Variants in TENM3 observed in about 807,000 individuals in gnomAD.
The protein encoded by TENM3 is teneurin-3.
A neutral mutation model predicts 255.1 loss-of-function variants in TENM3; 63 were observed. That is an observed-to-expected ratio of 0.25 (90% CI 0.20 to 0.30). TENM3 has a LOEUF of 0.30. TENM3 is among the 10% of genes least tolerant of loss of function. The pLI, the probability that TENM3 is intolerant of heterozygous loss-of-function variation, is 1.00. For synonymous variants in TENM3, 1,306 were observed against 1,322.3 expected, an observed-to-expected ratio of 0.99 and a Z score of 0.27; for missense variants, 2,929 against 3,461.1, an observed-to-expected ratio of 0.85 and a Z score of 3.86.
the TENM3 span, among the ~76,000 whole-genome samples, chr4:182,083,197 C>G: frequency 3.9e-5 from 6 of 152,172 alleles, no homozygotes; most frequent in Non-Finnish European, 7.3e-5. Context: ...TACTAGTGAA[C>G]ATTTATGCAA....
the TENM3 span, among the ~76,000 whole-genome samples, chr4:181,942,438 A>G: frequency 6.6e-6 from 1 of 152,102 alleles, no homozygotes; most frequent in South Asian, 2.1e-4. Flanking sequence ...CTTACTTTCT[A>G]GACTGAAGAG....
chr4:182,790,952 G>T (rs528375670), intron 25 of TENM3, among the ~76,000 whole-genome samples: 7 of 152,100 alleles, frequency 4.6e-5, no homozygotes, highest in Non-Finnish European at 7.4e-5. Context: ...ACAACAGACA[G>T]ATCTTTCTCA....
At chr4:181,760,999 C>CACACACACACAT in the TENM3 span, among the ~76,000 whole-genome samples, 4,255 of 145,562 alleles carry the variant, frequency 0.029, 137 homozygotes, top group Admixed American at 0.051. Context: ...CACACACACA[C>CACACACACACAT]ACACACACAC....
rs1210228046 is a variant in TENM3, at chr4:182,290,372, C to T, written c.-75-33574C>T. Among the ~76,000 whole-genome samples the T allele has an allele frequency of 3.3e-5, 5 of 152,302 alleles. No individual in the cohort carries two copies. In the East Asian group the frequency reaches 9.6e-4, roughly 29 times the overall value. On this transcript the variant is annotated intron_variant, in intron 1 of 27. Transcript: ENST00000511685. ...ACTGAGCAGTTGCTTGTATTTTGCACGTTCTTGGGACAACTCTGCCACCAA... is the reference window on the plus strand; with the variant it reads ...ACTGAGCAGTTGCTTGTATTTTGCATGTTCTTGGGACAACTCTGCCACCAA...
At chr4:182,343,493 C>T (rs1764609745) in intron 2 of TENM3, among the ~76,000 whole-genome samples, 1 of 152,162 alleles carries the variant, frequency 6.6e-6, no homozygotes, top group Non-Finnish European at 1.5e-5. Context: ...AAGTATTGTT[C>T]CTTGAAGCCA....
the TENM3 span, among the ~76,000 whole-genome samples, chr4:182,120,975 G>C: frequency 6.6e-6 from 1 of 152,242 alleles, no homozygotes; most frequent in East Asian, 1.9e-4. Context: ...GGCATGCCAT[G>C]TTCTGACTTC....
chr4:181,628,096 A>G, the TENM3 span, among the ~76,000 whole-genome samples: 13 of 152,170 alleles, frequency 8.5e-5, no homozygotes, highest in Non-Finnish European at 4.4e-5. Flanking sequence ...AGTGATGATG[A>G]GCATTTTTTC....
chr4:181,819,214 A>G, the TENM3 span, among the ~76,000 whole-genome samples: 4 of 151,788 alleles, frequency 2.6e-5, no homozygotes, highest in African/African-American at 9.7e-5. Context: ...TGCCCAAGCT[A>G]CCTCCTCTAA....
At chr4:181,478,147 C>T in the TENM3 span, among the ~76,000 whole-genome samples, 1 of 152,156 alleles carries the variant, frequency 6.6e-6, no homozygotes, top group Non-Finnish European at 1.5e-5. Context: ...ACTACTTGTA[C>T]TTTATGTGTA....
At chr4:182,428,899 G>C (rs1046743465) in intron 3 of TENM3, among the ~76,000 whole-genome samples, 1 of 151,996 alleles carries the variant, frequency 6.6e-6, no homozygotes, top group East Asian at 1.9e-4. Flanking sequence ...TGATATAATT[G>C]CTTCTCTGTT....
chr4:182,142,090 A>C (rs971758884), upstream of TENM3: 1 of 152,188 alleles, frequency 6.6e-6, no homozygotes, highest in African/African-American at 2.4e-5. Flanking sequence ...TCTTCATGTA[A>C]TATCTGGGAC....
the TENM3 span, among the ~76,000 whole-genome samples, chr4:181,847,090 C>T: frequency 6.6e-6 from 1 of 152,192 alleles, no homozygotes; most frequent in East Asian, 1.9e-4. Context: ...TTCCGAACAC[C>T]AGCAGCTGGA....
the TENM3 span, among the ~76,000 whole-genome samples, chr4:181,771,789 G>T: frequency 6.6e-6 from 1 of 152,174 alleles, no homozygotes; most frequent in Non-Finnish European, 1.5e-5. Flanking sequence ...TGCCAGTCCC[G>T]CAGACCACAT....
At chr4:182,746,655 T>G (rs1221341228) in intron 19 of TENM3, among the ~76,000 whole-genome samples, 1 of 152,108 alleles carries the variant, frequency 6.6e-6, no homozygotes, top group Non-Finnish European at 1.5e-5. Context: ...GAAGAGTAAT[T>G]TGGTGTCAGA....
rs28473578 is a variant in TENM3, at chr4:182,329,689, A to T, written c.232+5437A>T. On this transcript the variant is annotated intron_variant, in intron 2 of 27. Coordinates refer to ENST00000511685, the MANE Select transcript of TENM3 (RefSeq NM_001080477.4). ...GCAGAAATCCCAGAATGATAACAAC[A>T]AAAAAGCAACAACAACAAAACAAAC... Among the ~76,000 whole-genome samples, 1,513 of 152,314 alleles carry T rather than the reference A, an allele frequency of 9.9e-3. 34 individuals carry two copies. Among genetic ancestry groups the T allele is most frequent in the African/African-American group, 0.035 (1,440 of 41,570 alleles).
At chr4:182,758,152 T>C (rs1448343433) in intron 22 of TENM3, among the ~76,000 whole-genome samples, 2 of 152,230 alleles carry the variant, frequency 1.3e-5, no homozygotes, top group Admixed American at 1.3e-4. Context: ...TTTATGCATT[T>C]TGCAAAATAA....
At chr4:182,269,915 A>G (rs921221051) in intron 1 of TENM3, among the ~76,000 whole-genome samples, 7 of 152,152 alleles carry the variant, frequency 4.6e-5, no homozygotes, top group Non-Finnish European at 7.3e-5. Flanking sequence ...AAAGACATAA[A>G]TCAACACACG....
At chr4:182,178,428 C>T (rs1752650127) in intron 1 of TENM3, among the ~76,000 whole-genome samples, 1 of 152,104 alleles carries the variant, frequency 6.6e-6, no homozygotes, top group African/African-American at 2.4e-5. Flanking sequence ...TGTAGTGATT[C>T]AAACAATGTG....
intron 1 of TENM3, among the ~76,000 whole-genome samples, chr4:182,223,399 T>C (rs1387913547): frequency 6.6e-6 from 1 of 152,152 alleles, no homozygotes; most frequent in East Asian, 1.9e-4. Context: ...ATTTTTTTTT[T>C]ATGAGGGGGT....
Sources: gnomAD v4.1 joint callset for allele counts (sites outside exome capture counted in the v4.1 genomes callset) on GRCh38, gnomAD v4.1.1 for gene constraint, MANE v1.5 for transcripts, NCBI Gene and HGNC (gene_info 2026-07-23, HGNC 2026-07-21) for gene names.